The following MYO5C variants were observed in gnomAD, a reference collection of about 807,000 sequenced individuals.
The protein encoded by MYO5C is unconventional myosin-Vc.
A neutral mutation model predicts 235.7 loss-of-function variants in MYO5C; 194 were observed. That is an observed-to-expected ratio of 0.82 (90% confidence interval 0.73 to 0.93). The LOEUF (loss-of-function observed/expected upper bound fraction) is 0.93. Ranked by LOEUF, MYO5C falls within the 40% of genes least tolerant of loss-of-function variation. MYO5C has a pLI of 0.00. For synonymous variants in MYO5C, 707 were observed against 754.8 expected, an observed-to-expected ratio of 0.94 and a Z score of 1.04; for missense variants, 2,038 against 2,127.2, an observed-to-expected ratio of 0.96 and a Z score of 0.82.
chr15:52,295,490 G>T, intron 1 of MYO5C, 120 bp downstream of exon 1: 3 of 1,210,408 alleles, frequency 2.5e-6, no homozygotes, highest in Non-Finnish European at 2.2e-6. Flanking sequence ...GCGCGCGCCC[G>T]CCCGCCCTGC....
Position 52,286,191 on chromosome 15 carries a change from G to A in MYO5C, c.28-3299C>T, listed in dbSNP as rs549445334. Among the ~76,000 whole-genome samples, 421 of 150,762 alleles carry A rather than the reference G, an allele frequency of 2.8e-3. 5 individuals are homozygous for A. The highest frequency in any genetic ancestry group is 9.5e-3 in the African/African-American group (391 of 40,976). ...CGTCTGGGAGGAGAAGAGTGTCTCC[G>A]CCCGGCAGCCGCCCCGTCCGGGAGG... On this transcript the variant is annotated intron_variant, in intron 1 of 40. Transcript: ENST00000261839.
At chr15:52,232,137 AGGAGAG>A (rs2035965064) in intron 24 of MYO5C, among the ~76,000 whole-genome samples, 2 of 89,866 alleles carry the variant, frequency 2.2e-5, no homozygotes, top group African/African-American at 5.9e-5. Flanking sequence ...AAGAAAGAAA[AGGAGAG>A]GAAGGAAAGG....
chr15:52,282,266 A>G (rs1025379065), intron 2 of MYO5C, among the ~76,000 whole-genome samples: 1 of 151,882 alleles, frequency 6.6e-6, no homozygotes, highest in African/African-American at 2.4e-5. Flanking sequence ...ACATTTCTAT[A>G]TATCTGTGGA....
intron 1 of MYO5C, among the ~76,000 whole-genome samples, chr15:52,291,285 G>A (rs1337536039): frequency 6.6e-6 from 1 of 152,200 alleles, no homozygotes; most frequent in Non-Finnish European, 1.5e-5. Context: ...TGAGGGTCTG[G>A]AATGATGCTG....
At chr15:52,266,324 G>C (rs1371913436) in intron 8 of MYO5C, among the ~76,000 whole-genome samples, 1 of 152,176 alleles carries the variant, frequency 6.6e-6, no homozygotes, top group Non-Finnish European at 1.5e-5. Flanking sequence ...TGATTCCAAG[G>C]TGTTCGTCCC....
chr15:52,276,984 A>G, intron 4 of MYO5C: 1 of 403,078 alleles, frequency 2.5e-6, no homozygotes, highest in Non-Finnish European at 5.0e-6. Flanking sequence ...ATGGTGACTC[A>G]GGGGTGGAGT....
chr15:52,231,502 C>T (rs1278597846), intron 24 of MYO5C, among the ~76,000 whole-genome samples: 2 of 152,182 alleles, frequency 1.3e-5, no homozygotes, highest in African/African-American at 4.8e-5. Context: ...ATTAAAAACT[C>T]ATCGACAATT....
chr15:52,240,554 G>GAAA (rs1566975297), intron 20 of MYO5C, among the ~76,000 whole-genome samples: 1 of 132,044 alleles, frequency 7.6e-6, no homozygotes, highest in African/African-American at 2.8e-5. Flanking sequence ...AAAAGAAAAA[G>GAAA]AAGAAAAAAG....
chr15:52,234,586 G>A (rs968400316), intron 23 of MYO5C, among the ~76,000 whole-genome samples: 2 of 152,140 alleles, frequency 1.3e-5, no homozygotes, highest in African/African-American at 4.8e-5. Flanking sequence ...GTTTACTCCC[G>A]GACCTCTGAC....
At chr15:52,207,566 T>A (rs1483333732) in intron 36 of MYO5C, among the ~76,000 whole-genome samples, 1 of 152,204 alleles carries the variant, frequency 6.6e-6, no homozygotes, top group Non-Finnish European at 1.5e-5. Context: ...AAAACATAAT[T>A]AATTGTGAAC....
chr15:52,285,845 T>C (rs1394362261), intron 1 of MYO5C, among the ~76,000 whole-genome samples: 2 of 152,192 alleles, frequency 1.3e-5, no homozygotes, highest in East Asian at 3.9e-4. Context: ...GCCGCCTGCC[T>C]TGGCCTCCCA....
intron 16 of MYO5C, 114 bp downstream of exon 16, chr15:52,246,803 T>TA (rs200445945): frequency 0.012 from 8,792 of 726,880 alleles, 7 homozygotes; most frequent in Admixed American, 0.018. Context: ...TCTGAATCAT[T>TA]AAAAAAAAAC....
intron 1 of MYO5C, among the ~76,000 whole-genome samples, chr15:52,285,572 G>A (rs528723366): frequency 6.7e-6 from 1 of 150,208 alleles, no homozygotes; most frequent in East Asian, 2.1e-4. Flanking sequence ...TCGGCTCACT[G>A]CAACCTCCCT....
chr15:52,291,179 C>T (rs983192462), intron 1 of MYO5C, among the ~76,000 whole-genome samples: 64 of 152,256 alleles, frequency 4.2e-4, no homozygotes, highest in African/African-American at 1.4e-3. Context: ...GAAGTTGCAC[C>T]GTACTCATGG....
intron 1 of MYO5C, among the ~76,000 whole-genome samples, 157 bp downstream of exon 1, chr15:52,295,453 C>CCCTCCGCGGCG (rs902841001): frequency 3.1e-4 from 47 of 152,104 alleles, no homozygotes; most frequent in African/African-American, 1.0e-3. Flanking sequence ...TCCCCGTGGC[C>CCCTCCGCGGCG]CCTCCGCGGC....
At chr15:52,244,027 A>AT (rs1343090191) in intron 19 of MYO5C, among the ~76,000 whole-genome samples, 3 of 152,018 alleles carry the variant, frequency 2.0e-5, no homozygotes, top group African/African-American at 7.3e-5. Flanking sequence ...GATCTTATGC[A>AT]TTTTCAGTTC....
At chr15:52,244,975 T>C (rs1438896961) in intron 18 of MYO5C, among the ~76,000 whole-genome samples, 1 of 152,208 alleles carries the variant, frequency 6.6e-6, no homozygotes, top group Non-Finnish European at 1.5e-5. Context: ...CTCTTTCCCA[T>C]CACAACTCAT....
Position 52,239,835 on chromosome 15 carries a change from C to T in MYO5C, c.2601G>A (p.Arg867=). 6.2e-7 allele frequency: 1 copy of T among 1,613,830 alleles called. No homozygotes were observed. Among genetic ancestry groups the T allele is most frequent in the Non-Finnish European group, 8.5e-7 (1 of 1,179,852 alleles). The part of the protein sequence containing the change: ...HKAVILQKYA[R]AWLARRRFQS... ...GGAATCTGCGTCTGGCCAGCCACGCCCGTGCGTATTTCTGTAGGATCACAG... is the reference window on the plus strand; with the variant it reads ...GGAATCTGCGTCTGGCCAGCCACGCTCGTGCGTATTTCTGTAGGATCACAG... Residue 867 remains arginine, a synonymous_variant, in exon 21 of 41, where the codon CGG becomes CGA. Coordinates refer to ENST00000261839, the MANE Select transcript of MYO5C (RefSeq NM_018728.4).
intron 32 of MYO5C, among the ~76,000 whole-genome samples, chr15:52,216,729 C>G (rs1279007787): frequency 6.6e-6 from 1 of 152,070 alleles, no homozygotes. Context: ...AACCCAAACT[C>G]CAGAATGTGC....
Sources: gnomAD v4.1 joint callset for allele counts (sites outside exome capture counted in the v4.1 genomes callset) on GRCh38, gnomAD v4.1.1 for gene constraint, MANE v1.5 for transcripts, NCBI Gene and HGNC (gene_info 2026-07-23, HGNC 2026-07-21) for gene names.